Variants in STS observed in about 807,000 individuals in gnomAD.
The protein encoded by STS is steryl-sulfatase.
A neutral mutation model predicts 26.8 loss-of-function variants in STS; 7 were observed. The observed-to-expected ratio is 0.26, with a 90% CI of 0.15 to 0.49. The LOEUF is 0.49. STS is among the 20% of genes least tolerant of loss of function. STS has a pLI of 0.98. For missense variants in STS, 434 were observed against 465.6 expected, an observed-to-expected ratio of 0.93 and a Z score of 0.63; for synonymous variants, 199 against 189.4, an observed-to-expected ratio of 1.05 and a Z score of -0.42.
At position 7,352,630 on chromosome X, in the gene STS, AGGCATG is replaced by A. The variant is rs1928851815; in HGVS notation, c.*2371_*2376del. 9.0e-6 allele frequency: 1 copy of A among 111,723 alleles called. No homozygotes were observed. The highest frequency in any genetic ancestry group is 3.3e-5 in the African/African-American group (1 of 30,738). The allele number at this position is 111,723 out of a possible 1,213,427, so 9.2% of individuals were successfully genotyped here. ...GTTTGCTTGTTTGTTGCAGGCTGTA[AGGCATG>A]GCTGCTTGTTTACAAAGCATCTCAT... On this transcript the variant is annotated 3_prime_UTR_variant, in exon 11 of 11. Transcript: ENST00000674429.
At chrX:7,160,008 T>G (rs1372830127) in intron 1 of STS, among the ~76,000 whole-genome samples, 1 of 112,072 alleles carries the variant, frequency 8.9e-6, no homozygotes, top group Non-Finnish European at 1.9e-5. Context: ...CAAAGTGTCT[T>G]GAGTCTTCCA....
chrX:7,275,880 G>T (rs1924503191), intron 6 of STS, 71 bp from the exon 7 acceptor site: 8 of 1,109,354 alleles, frequency 7.2e-6, no homozygotes, highest in Middle Eastern at 3.4e-4. Context: ...ATCTTAATCA[G>T]AATGGTGGCA....
intron 1 of STS, among the ~76,000 whole-genome samples, chrX:7,181,283 CTA>C (rs1161468695): frequency 7.1e-5 from 8 of 112,434 alleles, no homozygotes; most frequent in African/African-American, 2.6e-4. Context: ...AAAGAAGAAA[CTA>C]TTGTTTTTTA....
chrX:7,314,037 G>A (rs1290707621), intron 8 of STS, among the ~76,000 whole-genome samples: 3 of 111,136 alleles, frequency 2.7e-5, no homozygotes, highest in South Asian at 3.8e-4. Context: ...TATGGGGAGC[G>A]AAAAAGCAGC....
At chrX:7,161,697 A>G (rs1032658082) in intron 1 of STS, among the ~76,000 whole-genome samples, 3 of 112,011 alleles carry the variant, frequency 2.7e-5, no homozygotes, top group African/African-American at 9.8e-5. Flanking sequence ...TTCTGTGCCA[A>G]CCCGAGCAGA....
chrX:7,257,802 TGTG>T (rs1923498644), intron 5 of STS, among the ~76,000 whole-genome samples: 1 of 87,966 alleles, frequency 1.1e-5, no homozygotes, highest in African/African-American at 4.1e-5. Flanking sequence ...AATGTATAGA[TGTG>T]TGTGTGTGTG....
At chrX:7,228,096 T>C (rs183274249) in intron 2 of STS, among the ~76,000 whole-genome samples, 1 of 110,269 alleles carries the variant, frequency 9.1e-6, no homozygotes, top group Non-Finnish European at 1.9e-5. Context: ...ATAGACCATG[T>C]TTTTTTTTGT....
Position 7,151,371 on chromosome X carries a change from A to G in STS, c.-134+3288A>G, listed in dbSNP as rs972983264. Among the ~76,000 whole-genome samples, 18 of 111,838 alleles carry G rather than the reference A, an allele frequency of 1.6e-4. No homozygotes were observed. In the South Asian group the frequency reaches 1.9e-3, roughly 12 times the overall value. On this transcript the variant is annotated intron_variant, in intron 1 of 10. Transcript: ENST00000674429. Reference sequence around the variant, plus strand: ...CTTTCTCAGTGGCTGTACACAGTCTACTTTTCTTGATGATGCTGAGAGACC... The same window carrying G: ...CTTTCTCAGTGGCTGTACACAGTCTGCTTTTCTTGATGATGCTGAGAGACC...
chrX:7,240,493 ATGTG>A lies in STS; in HGVS notation c.-4-12665_-4-12662del, dbSNP rs374194610. On this transcript the variant is annotated intron_variant, in intron 2 of 10. Coordinates refer to ENST00000674429, the MANE Select transcript of STS (RefSeq NM_001320752.2). ...CACACACACACACACACAGATATGT[ATGTG>A]TGTGTGTGTGTGTGTGTGTGTGTGT... 4.9e-3 allele frequency among the ~76,000 whole-genome samples: 355 copies of A among 72,572 alleles called. 1 individual carries two copies. Among genetic ancestry groups the A allele is most frequent in the Middle Eastern group, 7.5e-3 (1 of 133 alleles). The allele number at this position is 72,572 out of a possible 115,157, so 63.0% of individuals were successfully genotyped here.
Position 7,351,851 on chromosome X carries a change from C to T in STS, c.*1590C>T, listed in dbSNP as rs1453477243. The T allele has an allele frequency of 9.2e-6, 1 of 108,383 alleles. No homozygotes were observed. Among genetic ancestry groups the T allele is most frequent in the Non-Finnish European group, 1.9e-5 (1 of 52,449 alleles). 8.9% of individuals were successfully genotyped at this position (108,383 alleles called of 1,213,427 possible). ...GGGAAGTTGGAGCAAGAGGGGCATACTATTGGGCTGGGAGGATTTGACAGC... is the reference window on the plus strand; with the variant it reads ...GGGAAGTTGGAGCAAGAGGGGCATATTATTGGGCTGGGAGGATTTGACAGC... On this transcript the variant is annotated 3_prime_UTR_variant, in exon 11 of 11. Transcript: ENST00000674429.
At chrX:7,286,130 T>A (rs1264464430) in intron 7 of STS, among the ~76,000 whole-genome samples, 1 of 111,812 alleles carries the variant, frequency 8.9e-6, no homozygotes, top group African/African-American at 3.2e-5. Context: ...AGGTTATCTG[T>A]GTGTGTGTGT....
intron 2 of STS, among the ~76,000 whole-genome samples, chrX:7,224,582 T>C (rs1013548478): frequency 1.8e-5 from 2 of 111,214 alleles, no homozygotes; most frequent in Non-Finnish European, 3.8e-5. Flanking sequence ...TATGAGAACA[T>C]GGGGAGAAGG....
chrX:7,332,294 A>G (rs1927792644), intron 9 of STS, among the ~76,000 whole-genome samples: 1 of 108,921 alleles, frequency 9.2e-6, no homozygotes, highest in Non-Finnish European at 1.9e-5. Context: ...TCGCGCCACC[A>G]CACTCCAGCC....
chrX:7,246,507 C>T (rs1430059887), intron 2 of STS, among the ~76,000 whole-genome samples: 1 of 110,240 alleles, frequency 9.1e-6, no homozygotes, highest in African/African-American at 3.3e-5. Flanking sequence ...GGGGTTTCAC[C>T]GTGTTAGCCA....
chrX:7,273,960 C>G (rs777894515), intron 6 of STS, among the ~76,000 whole-genome samples: 2 of 111,175 alleles, frequency 1.8e-5, no homozygotes, highest in South Asian at 7.7e-4. Context: ...GGAACAGGCT[C>G]TCAGAGGAGG....
In STS at chrX:7,200,504, T is replaced by C. The variant is rs1441884195; in HGVS notation, c.-5+9496T>C. On this transcript the variant is annotated intron_variant, in intron 2 of 10. Transcript: ENST00000674429. Reference sequence around the variant, plus strand: ...TAGTGAAATGGGACCAAGCAAATGCTAAAAACAATAAAATGAGCTCTCTTG... The same window carrying C: ...TAGTGAAATGGGACCAAGCAAATGCCAAAAACAATAAAATGAGCTCTCTTG... Among the ~76,000 whole-genome samples the C allele has an allele frequency of 2.7e-5, 3 of 111,808 alleles. No individual in the cohort carries two copies. In the East Asian group the frequency reaches 8.4e-4, roughly 31 times the overall value.
intron 1 of STS, among the ~76,000 whole-genome samples, chrX:7,182,069 CT>C (rs758011853): frequency 5.6e-4 from 63 of 111,646 alleles, no homozygotes; most frequent in African/African-American, 2.0e-3. Flanking sequence ...GTGAGTCCCC[CT>C]GTCTCAAACA....
chrX:7,332,772 C>T (rs1173878973), intron 9 of STS, among the ~76,000 whole-genome samples: 1 of 111,865 alleles, frequency 8.9e-6, no homozygotes, highest in African/African-American at 3.3e-5. Flanking sequence ...TCAGGGCACA[C>T]GCTGTGTCTC....
At chrX:7,168,254 A>G (rs972382327) in intron 1 of STS, among the ~76,000 whole-genome samples, 2 of 111,108 alleles carry the variant, frequency 1.8e-5, no homozygotes, top group Admixed American at 1.9e-4. Context: ...ACTGAATTAT[A>G]ATGTAGGGAA....
Sources: allele counts gnomAD v4.1 joint callset (sites outside exome capture counted in the v4.1 genomes callset), GRCh38; gene constraint gnomAD v4.1.1; transcripts MANE v1.5; gene names NCBI Gene and HGNC (gene_info 2026-07-23, HGNC 2026-07-21).